Variants in ARHGAP6 observed in about 807,000 individuals in gnomAD.
ARHGAP6 encodes rho GTPase-activating protein 6.
Under a neutral mutation model 55.7 loss-of-function variants are expected in ARHGAP6, and 16 were observed. That is an observed-to-expected ratio of 0.29 (90% CI 0.19 to 0.44). The LOEUF (loss-of-function observed/expected upper bound fraction) is 0.44, where lower values mean the gene tolerates loss of function less well. Among genes scored for constraint, ARHGAP6 ranks in the 20% least tolerant of loss-of-function variants. The probability of loss-of-function intolerance (pLI) is 1.00; values close to 1 mark genes in which losing one functional copy is unlikely to be tolerated. For synonymous variants in ARHGAP6, 382 were observed against 360.9 expected (o/e 1.06, Z -0.66); for missense variants, 698 against 808.9 (o/e 0.86, Z 1.66).
intron 8 of ARHGAP6, among the ~76,000 whole-genome samples, chrX:11,170,851 G>A (rs1289312202): frequency 2.7e-5 from 3 of 111,753 alleles, no homozygotes; most frequent in Admixed American, 1.9e-4. Context: ...CCAATAATGG[G>A]TGAGAAGTTA....
intron 1 of ARHGAP6, among the ~76,000 whole-genome samples, chrX:11,366,559 C>T (rs1034536617): frequency 1.8e-5 from 2 of 111,471 alleles, no homozygotes; most frequent in African/African-American, 3.3e-5. Flanking sequence ...GAAAAGTCAA[C>T]GAAAGGTATT....
intron 1 of ARHGAP6, among the ~76,000 whole-genome samples, chrX:11,579,127 T>G (rs2051636747): frequency 9.0e-6 from 1 of 110,914 alleles, no homozygotes; most frequent in Admixed American, 9.6e-5. Flanking sequence ...ACATGGCACA[T>G]GCATACATAT....
chrX:11,147,309 CAT>C (rs10605105), intron 10 of ARHGAP6, among the ~76,000 whole-genome samples: 20,471 of 112,084 alleles, frequency 0.18, 1,399 homozygotes, highest in Middle Eastern at 0.25. Context: ...TACACAGACA[CAT>C]ATTACATATA....
intron 1 of ARHGAP6, among the ~76,000 whole-genome samples, chrX:11,477,173 A>C (rs2050411976): frequency 1.1e-5 from 1 of 94,889 alleles, no homozygotes; most frequent in Non-Finnish European, 2.0e-5. Flanking sequence ...AAAAAAAAAA[A>C]ACAATTTTTC....
chrX:11,547,636 G>C (rs1045498030), intron 1 of ARHGAP6, among the ~76,000 whole-genome samples: 5 of 111,604 alleles, frequency 4.5e-5, no homozygotes, highest in African/African-American at 1.6e-4. Flanking sequence ...CTATTTCTGT[G>C]CTCCTCTCTC....
intron 1 of ARHGAP6, among the ~76,000 whole-genome samples, chrX:11,419,244 G>A (rs1330875398): frequency 4.5e-5 from 5 of 112,136 alleles, no homozygotes; most frequent in Non-Finnish European, 7.5e-5. Flanking sequence ...ACCACTCACC[G>A]TTGGTTCCTT....
chrX:11,418,054 T>C (rs1484791146), intron 1 of ARHGAP6, among the ~76,000 whole-genome samples: 2 of 112,248 alleles, frequency 1.8e-5, no homozygotes, highest in African/African-American at 3.2e-5. Context: ...GACACTCAAG[T>C]ACATACTAAG....
At chrX:11,268,819 G>A (rs2047658871) in intron 1 of ARHGAP6, among the ~76,000 whole-genome samples, 1 of 111,478 alleles carries the variant, frequency 9.0e-6, no homozygotes, top group Admixed American at 9.5e-5. Context: ...TGTGGCAGAA[G>A]GGGATGCCAA....
intron 1 of ARHGAP6, among the ~76,000 whole-genome samples, chrX:11,519,756 A>C (rs2050892619): frequency 9.2e-6 from 1 of 108,226 alleles, no homozygotes; most frequent in African/African-American, 3.4e-5. Flanking sequence ...CTATTTAATA[A>C]ATGGTGCTGG....
chrX:11,478,671 T>C (rs1410344768), intron 1 of ARHGAP6, among the ~76,000 whole-genome samples: 1 of 111,619 alleles, frequency 9.0e-6, no homozygotes, highest in African/African-American at 3.3e-5. Context: ...AATTGTGCCT[T>C]GCAAAGCATG....
At chrX:11,430,960 A>G (rs2049935505) in intron 1 of ARHGAP6, among the ~76,000 whole-genome samples, 1 of 111,788 alleles carries the variant, frequency 8.9e-6, no homozygotes, top group Non-Finnish European at 1.9e-5. Flanking sequence ...CATACTATGC[A>G]CAGGTATTGT....
At chrX:11,206,969 T>C (rs2046713077) in intron 2 of ARHGAP6, among the ~76,000 whole-genome samples, 1 of 111,765 alleles carries the variant, frequency 8.9e-6, no homozygotes, top group African/African-American at 3.3e-5. Context: ...AATTAAACAG[T>C]CCTGAAAAAT....
Position 11,568,731 on chromosome X carries a change from T to C in ARHGAP6, c.588+95510A>G, listed in dbSNP as rs192780451. On this transcript the variant is annotated intron_variant, in intron 1 of 12. Transcript: ENST00000337414. The stretch of plus-strand genomic sequence containing the variant: ...GAGATTGCGCCACTGCACTCCAGCC[T>C]GGGCGACAAAGTGAGATACTATCTC... Among the ~76,000 whole-genome samples, 246 of 101,294 alleles carry C rather than the reference T, an allele frequency of 2.4e-3. 1 individual carries two copies. The highest frequency in any genetic ancestry group is 8.5e-3 in the African/African-American group (230 of 27,083). 88.0% of individuals were successfully genotyped at this position (101,294 alleles called of 115,157 possible).
intron 1 of ARHGAP6, among the ~76,000 whole-genome samples, chrX:11,349,447 T>C (rs1275354874): frequency 9.0e-6 from 1 of 111,729 alleles, no homozygotes; most frequent in Non-Finnish European, 1.9e-5. Context: ...GGGGTTTGTG[T>C]CTGTTCTGTC....
intron 1 of ARHGAP6, among the ~76,000 whole-genome samples, chrX:11,273,189 C>G (rs2047712689): frequency 9.1e-6 from 1 of 110,273 alleles, no homozygotes; most frequent in Admixed American, 9.6e-5. Context: ...GTCATGAAAT[C>G]CCTAAAAGCA....
intron 1 of ARHGAP6, among the ~76,000 whole-genome samples, chrX:11,547,486 A>AG (rs747040149): frequency 9.0e-6 from 1 of 111,687 alleles, no homozygotes; most frequent in East Asian, 2.8e-4. Context: ...TCTGTTCTCT[A>AG]GTCCCTTCTC....
intron 1 of ARHGAP6, among the ~76,000 whole-genome samples, chrX:11,508,878 CACAT>C (rs1482429284): frequency 9.0e-6 from 1 of 110,582 alleles, no homozygotes; most frequent in Non-Finnish European, 1.9e-5. Context: ...CACACACACA[CACAT>C]ATCACGCATC....
At position 11,427,555 on chromosome X, in the gene ARHGAP6, T is replaced by C. The variant is rs747391489; in HGVS notation, c.589-172848A>G. The C allele has an allele frequency of 5.4e-6, 5 of 923,576 alleles. No homozygotes were observed. In the South Asian group the frequency reaches 9.2e-5, roughly 17 times the overall value. 76.1% of individuals were successfully genotyped at this position (923,576 alleles called of 1,213,427 possible). ...ACGCGTCAGGACACTCACCGCGTAG[T>C]GCAGCTGGGGCTTCTCGCCGCGGTA... On this transcript the variant is annotated intron_variant, in intron 1 of 12. Coordinates refer to ENST00000337414, the MANE Select transcript of ARHGAP6 (RefSeq NM_013427.3).
rs770140745 is a variant in ARHGAP6, at chrX:11,461,964, C to T, written c.588+202277G>A. 3.6e-5 allele frequency among the ~76,000 whole-genome samples: 4 copies of T among 111,978 alleles called. No homozygotes were observed. The East Asian group carries it at 8.4e-4, about 24-fold the overall frequency. On this transcript the variant is annotated intron_variant, in intron 1 of 12. Transcript: ENST00000337414. ...GCTAGGAGGGAGGCTGAAGGAGGGACAATAGCATCTCTGGAAGTCAAAATA... is the reference window on the plus strand; with the variant it reads ...GCTAGGAGGGAGGCTGAAGGAGGGATAATAGCATCTCTGGAAGTCAAAATA...
Sources: allele counts gnomAD v4.1 joint callset (sites outside exome capture counted in the v4.1 genomes callset), GRCh38; gene constraint gnomAD v4.1.1; transcripts MANE v1.5; gene names NCBI Gene and HGNC (gene_info 2026-07-23, HGNC 2026-07-21).